The following FAM83G variants were observed in gnomAD, a reference collection of about 807,000 sequenced individuals.
FAM83G encodes the protein scaffolding CK1 anchoring protein G.
FAM83G carries 38 observed loss-of-function variants against 61.5 expected under a neutral mutation model. The observed-to-expected ratio is 0.62, with a 90% CI of 0.48 to 0.81. FAM83G has a LOEUF of 0.81. Ranked by LOEUF, FAM83G falls within the 30% of genes least tolerant of loss-of-function variation. The pLI is 0.00. For synonymous variants in FAM83G, 470 were observed against 476.1 expected, an observed-to-expected ratio of 0.99 and a Z score of 0.17; for missense variants, 989 against 1,133.6, an observed-to-expected ratio of 0.87 and a Z score of 1.83.
chr17:18,971,270 T>C lies in FAM83G; in HGVS notation c.*89A>G. On this transcript the variant is annotated 3_prime_UTR_variant, in exon 6 of 6. Coordinates refer to ENST00000388995, the MANE Select transcript of FAM83G (RefSeq NM_001039999.3). This position sits in a 1 kb window ranked among gnomAD's most constrained non-coding sequence, Gnocchi z 5.5. ...CCACCTTCCTGCCGTCCCAGTGGGC[T>C]CTGGTAGGCCCAGGCGGCCTGTCTG... 5 of 1,611,280 alleles carry C rather than the reference T, an allele frequency of 3.1e-6. No individual in the cohort carries two copies. The highest frequency in any genetic ancestry group is 4.2e-6 in the Non-Finnish European group (5 of 1,178,094).
Position 18,971,776 on chromosome 17 carries a change from C to G in FAM83G, c.2083-28G>C. On this transcript the variant is annotated intron_variant, in intron 5 of 5. Coordinates refer to ENST00000388995, the MANE Select transcript of FAM83G (RefSeq NM_001039999.3). This position sits in a 1 kb window ranked among gnomAD's most constrained non-coding sequence, Gnocchi z 5.5. The stretch of plus-strand genomic sequence containing the variant: ...GGGAGAGAGAGAGCAGAGAGTGAGG[C>G]TGAGCAAGAAGGGCCAACCCCGCCC... The G allele has an allele frequency of 6.5e-7, 1 of 1,530,888 alleles. No homozygotes were observed. The highest frequency in any genetic ancestry group is 1.4e-5 in the African/African-American group (1 of 72,546). 94.8% of individuals were successfully genotyped at this position (1,530,888 alleles called of 1,614,324 possible). A position where few individuals can be genotyped will look rare whatever the true frequency, so the allele number is the denominator to read the frequency against.
In FAM83G at chr17:18,977,599, T is replaced by TG; in HGVS notation, c.2066dup (p.Asp690ArgfsTer20). 3.1e-6 allele frequency: 5 copies of TG among 1,608,730 alleles called. No individual in the cohort carries two copies. Among genetic ancestry groups the TG allele is most frequent in the Non-Finnish European group, 3.4e-6 (4 of 1,179,828 alleles). ...CCTGACCCACCTGTGCCTCCTTGTCTGTGGAGCGCTGGGCCTGCATCCTCT... is the reference window on the plus strand; with the variant it reads ...CCTGACCCACCTGTGCCTCCTTGTCTGGTGGAGCGCTGGGCCTGCATCCTCT... On this transcript the variant is annotated frameshift_variant, in exon 5 of 6. Coordinates refer to ENST00000388995, the MANE Select transcript of FAM83G (RefSeq NM_001039999.3). LOFTEE classifies it high-confidence loss of function.
chr17:18,972,208 C>T (rs536954846), intron 5 of FAM83G, among the ~76,000 whole-genome samples: 42 of 152,290 alleles, frequency 2.8e-4, no homozygotes, highest in African/African-American at 1.0e-3. Flanking sequence ...TCCCAAAGGC[C>T]GTGGGCAGCT....
Position 19,004,033 on chromosome 17 carries a change from G to T in FAM83G, c.9C>A (p.Phe3Leu). The T allele has an allele frequency of 6.3e-7, 1 of 1,592,552 alleles. No individual in the cohort carries two copies. The highest frequency in any genetic ancestry group is 8.6e-7 in the Non-Finnish European group (1 of 1,167,398). Residue 3 changes from phenylalanine to leucine, a missense_variant, in exon 2 of 6, where the codon TTC becomes TTA. By Grantham distance (22) the Phe-to-Leu change is conservative. Around this residue, in one of 3 missense-constraint regions of FAM83G, gnomAD observed 371 missense variants for 404.5 expected, o/e 0.92. Transcript: ENST00000388995. This position sits in a 1 kb window ranked among gnomAD's most constrained non-coding sequence, Gnocchi z 5.4. MA[F>L]SQVQCLDDNH... is the part of the protein sequence containing the mutation. ...TGTCGTCCAGACACTGCACCTGAGA[G>T]AAGGCCATGGCGCCGCCTGCCCGGG... is the stretch of plus-strand genomic sequence containing the variant.
chr17:18,995,097 C>T (rs945414886), intron 2 of FAM83G, among the ~76,000 whole-genome samples: 1 of 151,996 alleles, frequency 6.6e-6, no homozygotes, highest in Admixed American at 6.6e-5. Flanking sequence ...AACTAAAATC[C>T]AACATGCCCG....
chr17:18,980,945 C>G (rs1597855043), intron 3 of FAM83G, among the ~76,000 whole-genome samples: 1 of 152,296 alleles, frequency 6.6e-6, no homozygotes, highest in East Asian at 1.9e-4. Context: ...GGGCTCTGTG[C>G]CGGCTTCTGG....
At chr17:18,972,798 T>G (rs1258382430) in intron 5 of FAM83G, among the ~76,000 whole-genome samples, 2 of 149,546 alleles carry the variant, frequency 1.3e-5, no homozygotes, top group East Asian at 2.0e-4. Context: ...GGAGGTGGAG[T>G]TGACAGTGAG....
At chr17:18,995,145 A>T (rs1457089794) in intron 2 of FAM83G, among the ~76,000 whole-genome samples, 1 of 152,248 alleles carries the variant, frequency 6.6e-6, no homozygotes, top group African/African-American at 2.4e-5. Context: ...CAAAGAAACA[A>T]GAAAACATGA....
At position 18,971,728 on chromosome 17, in the gene FAM83G, G is replaced by C. The variant is rs2042861154; in HGVS notation, c.2103C>G (p.His701Gln). The change falls in exon 6 of 6, where the codon CAC (histidine) becomes CAG (glutamine). Residue 701 changes from histidine to glutamine, a missense_variant. This residue lies in a region of FAM83G where 574 missense variants were observed against 645.1 expected (regional missense o/e 0.89). Transcript: ENST00000388995. The surrounding 1 kb of genome is among the most constrained non-coding windows in gnomAD (Gnocchi z 5.5). Reference protein sequence around the residue: ...KEAQGQQFHHHRVPASGTRDK... With the variant: ...KEAQGQQFHHQRVPASGTRDK... ...CCCTAGTCCCTGAGGCAGGGACCCT[G>C]TGATGATGAAACTGCTGGCCCTGGG... is the stretch of plus-strand genomic sequence containing the variant. 1 of 1,576,532 alleles carries C rather than the reference G, an allele frequency of 6.3e-7. No homozygotes were observed. The highest frequency in any genetic ancestry group is 2.3e-5 in the East Asian group (1 of 44,370).
In FAM83G at chr17:19,004,073, G is replaced by A. The variant is rs568408635; in HGVS notation, c.-32C>T. 24 of 1,553,362 alleles carry A rather than the reference G, an allele frequency of 1.5e-5. No homozygotes were observed. The highest frequency in any genetic ancestry group is 4.2e-4 in the Middle Eastern group (2 of 4,774). On this transcript the variant is annotated 5_prime_UTR_variant, in exon 2 of 6. Transcript: ENST00000388995. This position sits in a 1 kb window ranked among gnomAD's most constrained non-coding sequence, Gnocchi z 5.4. The stretch of plus-strand genomic sequence containing the variant: ...GCCTGCCCGGGCACTGCTGCCGGGG[G>A]TGGGTGGGCAAGGTCCAGCTCCTAG...
intron 5 of FAM83G, among the ~76,000 whole-genome samples, chr17:18,975,382 G>C (rs1349111603): frequency 2.0e-5 from 3 of 152,186 alleles, no homozygotes; most frequent in Non-Finnish European, 4.4e-5. Context: ...TAGCAAGCTT[G>C]GAAAGTAAGT....
Position 18,978,615 on chromosome 17 carries a change from G to A in FAM83G, c.1051C>T (p.Leu351Phe). 1 of 1,613,198 alleles carries A rather than the reference G, an allele frequency of 6.2e-7. No individual in the cohort carries two copies. Reference protein sequence around the residue: ...AKKLVNPKYALVKAKSVDEIA... With the variant: ...AKKLVNPKYAFVKAKSVDEIA... Reference sequence around the variant, plus strand: ...TCGTCGACGCTCTTGGCCTTGACAAGTGCGTACTTGGGGTTGACGAGCTTC... The same window carrying A: ...TCGTCGACGCTCTTGGCCTTGACAAATGCGTACTTGGGGTTGACGAGCTTC... Residue 351 changes from leucine to phenylalanine, a missense_variant, in exon 5 of 6, where the codon CTT becomes TTT. By Grantham distance (22) the Leu-to-Phe change is conservative. Around this residue, in one of 3 missense-constraint regions of FAM83G, gnomAD observed 574 missense variants for 645.1 expected, o/e 0.89. Transcript: ENST00000388995.
chr17:18,971,379 G>T lies in FAM83G; in HGVS notation c.2452C>A (p.Arg818=), dbSNP rs765570800. ...SDSKRRAQAP[R]DRKDP is the part of the protein sequence containing the mutation. ...TGCTGCTAGGGGTCTTTGCGGTCCC[G>T]GGGGGCTTGAGCCCTCCGTTTAGAA... The change falls in exon 6 of 6, where the codon CGG becomes AGG. Residue 818 remains arginine, a synonymous_variant. Coordinates refer to ENST00000388995, the MANE Select transcript of FAM83G (RefSeq NM_001039999.3). This position sits in a 1 kb window ranked among gnomAD's most constrained non-coding sequence, Gnocchi z 5.5. The T allele has an allele frequency of 6.2e-7, 1 of 1,601,780 alleles. No individual in the cohort carries two copies. Among genetic ancestry groups the T allele is most frequent in the South Asian group, 1.1e-5 (1 of 90,458 alleles).
chr17:18,969,238 G>C lies in FAM83G; in HGVS notation c.*2121C>G. 6.3e-7 allele frequency: 1 copy of C among 1,578,498 alleles called. No individual in the cohort carries two copies. Among genetic ancestry groups the C allele is most frequent in the Non-Finnish European group, 8.6e-7 (1 of 1,156,326 alleles). ...GCCACCTCCCCCTACAGGCCCGAGG[G>C]AGCAGCCCAGGAAGTGGCCCCAGCA... On this transcript the variant is annotated 3_prime_UTR_variant, in exon 6 of 6. Transcript: ENST00000388995.
chr17:19,003,355 A>G lies in FAM83G; in HGVS notation c.522+165T>C, dbSNP rs2043781221. ...CCCTGCAAAGAAACTGCGGATCCCC[A>G]CGAAGGTGGGGAGGAAACCTCCACC... On this transcript the variant is annotated intron_variant, in intron 2 of 5. Transcript: ENST00000388995. The surrounding 1 kb of genome is among the most constrained non-coding windows in gnomAD (Gnocchi z 4.5). 6.6e-6 allele frequency among the ~76,000 whole-genome samples: 1 copy of G among 152,202 alleles called. No homozygotes were observed. Among genetic ancestry groups the G allele is most frequent in the South Asian group, 2.1e-4 (1 of 4,808 alleles).
In FAM83G at chr17:18,978,634, G is replaced by C. The variant is rs371247127; in HGVS notation, c.1032C>G (p.Leu344=). The C allele has an allele frequency of 6.2e-7, 1 of 1,612,990 alleles. No homozygotes were observed. The highest frequency in any genetic ancestry group is 1.3e-5 in the African/African-American group (1 of 74,898). The part of the protein sequence containing the change: ...LVPAGTVAKK[L]VNPKYALVKA... The stretch of plus-strand genomic sequence containing the variant: ...TGACAAGTGCGTACTTGGGGTTGAC[G>C]AGCTTCTTGGCCACAGTGCCCGCGG... The change falls in exon 5 of 6, where the codon CTC becomes CTG. Residue 344 remains leucine (L), a synonymous_variant. Transcript: ENST00000388995.
intron 5 of FAM83G, chr17:18,977,145 AG>A: frequency 1.0e-6 from 1 of 994,496 alleles, no homozygotes; most frequent in Non-Finnish European, 1.5e-6. Flanking sequence ...CCACAATCAA[AG>A]GGATTAACAT....
intron 5 of FAM83G, chr17:18,977,126 TC>T: frequency 9.2e-6 from 11 of 1,199,440 alleles, no homozygotes; most frequent in Non-Finnish European, 1.3e-5. Flanking sequence ...GGGAGAGTGG[TC>T]CTCAGGGCCA....
intron 2 of FAM83G, among the ~76,000 whole-genome samples, chr17:18,994,396 G>C (rs149822990): frequency 6.6e-6 from 1 of 152,190 alleles, no homozygotes; most frequent in Non-Finnish European, 1.5e-5. Flanking sequence ...CACTCTGAGT[G>C]TAGCAGCTAG....
Sources: gnomAD v4.1 joint callset for allele counts (sites outside exome capture counted in the v4.1 genomes callset) on GRCh38, gnomAD v4.1.1 for gene constraint, gnomAD v4.1.1 regional missense constraint, Gnocchi (gnomAD v3.1) non-coding constraint, MANE v1.5 for transcripts, NCBI Gene and HGNC (gene_info 2026-07-23, HGNC 2026-07-21) for gene names.